MRPL21: variants seen among roughly 807,000 people sequenced by gnomAD.
MRPL21 encodes mitochondrial ribosomal protein L21, also known as large ribosomal subunit protein bL21m.
In MRPL21, 20 loss-of-function variants were observed where a neutral mutation model predicts 27.3. That is an observed-to-expected ratio of 0.73 (90% CI 0.52 to 1.06). MRPL21 has a LOEUF of 1.06. MRPL21 is among the 50% of genes least tolerant of loss of function. The pLI is 0.00. For synonymous variants in MRPL21, 98 were observed against 101.5 expected (o/e 0.97, Z 0.21); for missense variants, 249 against 251.4 (o/e 0.99, Z 0.06).
intron 6 of MRPL21, chr11:68,891,918 C>T: frequency 1.9e-6 from 1 of 527,412 alleles, no homozygotes; most frequent in Non-Finnish European, 3.1e-6. Context: ...TGGGTGCCAT[C>T]CCTCAGGATG....
At chr11:68,902,311 C>A (rs1857966041) in intron 1 of MRPL21, among the ~76,000 whole-genome samples, 1 of 152,178 alleles carries the variant, frequency 6.6e-6, no homozygotes, top group African/African-American at 2.4e-5. Context: ...TAAAAACTTT[C>A]CTGCCTACTT....
chr11:68,897,121 G>A (rs1004789470), intron 3 of MRPL21, among the ~76,000 whole-genome samples: 2 of 152,156 alleles, frequency 1.3e-5, no homozygotes, highest in Non-Finnish European at 2.9e-5. Context: ...GCAATGAGGA[G>A]CCCCCCGTAT....
chr11:68,895,263 T>TCAAA (rs200845176), intron 4 of MRPL21, among the ~76,000 whole-genome samples: 5 of 150,672 alleles, frequency 3.3e-5, no homozygotes, highest in Admixed American at 6.6e-5. Flanking sequence ...AAACTCCTTC[T>TCAAA]CAAACAAACA....
At chr11:68,893,077 T>A in intron 5 of MRPL21, 84 bp from the exon 6 acceptor site, 1 of 1,429,206 alleles carries the variant, frequency 7.0e-7, no homozygotes, top group Non-Finnish European at 9.2e-7. Flanking sequence ...AATGAAGTTA[T>A]ACTTTCTCTT....
At chr11:68,900,078 A>T (rs1033670295) in intron 2 of MRPL21, among the ~76,000 whole-genome samples, 2 of 152,196 alleles carry the variant, frequency 1.3e-5, no homozygotes, top group African/African-American at 4.8e-5. Context: ...TCTGCAGTTT[A>T]TGATACCTAA....
In MRPL21 at chr11:68,893,349, C is replaced by T. The variant is rs1174265978; in HGVS notation, c.449+54G>A. On this transcript the variant is annotated intron_variant, in intron 5 of 6. Coordinates refer to ENST00000362034, the MANE Select transcript of MRPL21 (RefSeq NM_181514.2). ...GGCCTAATTGCACTGTGACCACTGT[C>T]TGCATGTCCAGCCCTGGAGCCCCAG... 9 of 1,612,698 alleles carry T rather than the reference C, an allele frequency of 5.6e-6. No homozygotes were observed. In the East Asian group the frequency reaches 1.8e-4, roughly 32 times the overall value.
intron 2 of MRPL21, 158 bp downstream of exon 2, chr11:68,900,390 A>C (rs1213878793): frequency 1.3e-6 from 1 of 762,302 alleles, no homozygotes; most frequent in African/African-American, 1.8e-5. Context: ...CCAGGAGTTC[A>C]AAACCAGTCT....
intron 5 of MRPL21, 184 bp from the exon 6 acceptor site, chr11:68,893,177 C>G (rs956798933): frequency 7.5e-7 from 1 of 1,335,152 alleles, no homozygotes; most frequent in African/African-American, 1.5e-5. Flanking sequence ...GGAGTCTGAA[C>G]AAATCTTCAG....
At chr11:68,896,343 G>T in intron 4 of MRPL21, 172 bp downstream of exon 4, 2 of 789,074 alleles carry the variant, frequency 2.5e-6, no homozygotes, top group Non-Finnish European at 2.0e-6. Flanking sequence ...CCCTGCCCTT[G>T]GACCCCAGCC....
At chr11:68,899,675 A>G (rs2154005985) in intron 2 of MRPL21, among the ~76,000 whole-genome samples, 1 of 152,354 alleles carries the variant, frequency 6.6e-6, no homozygotes, top group African/African-American at 2.4e-5. Context: ...CACAGGACAC[A>G]GGGGTAGTAG....
chr11:68,893,178 A>T (rs992228493), intron 5 of MRPL21, 185 bp from the exon 6 acceptor site: 18 of 1,343,374 alleles, frequency 1.3e-5, no homozygotes, highest in Non-Finnish European at 1.7e-5. Context: ...GAGTCTGAAC[A>T]AATCTTCAGA....
intron 6 of MRPL21, chr11:68,891,713 G>A: frequency 1.9e-6 from 1 of 537,790 alleles, no homozygotes; most frequent in Non-Finnish European, 3.3e-6. Flanking sequence ...GAGTGACCTT[G>A]AGGCTACCTG....
chr11:68,900,599 AG>A lies in MRPL21; in HGVS notation c.94del (p.Leu32PhefsTer25). The A allele has an allele frequency of 6.2e-7, 1 of 1,612,958 alleles. No individual in the cohort carries two copies. Among genetic ancestry groups the A allele is most frequent in the Middle Eastern group, 1.7e-4 (1 of 6,058 alleles). On this transcript the variant is annotated frameshift_variant, in exon 2 of 7. Coordinates refer to ENST00000362034, the MANE Select transcript of MRPL21 (RefSeq NM_181514.2). LOFTEE classifies it high-confidence loss of function. ...ATTGAACCTTCGAGAAGCAGACCAA[AG>A]GGAGGCTGAGGGAAGAAGAGAAACA... Reference protein sequence around the residue: ...LRPSGPGAASLWSASRRFNSQ... With the variant: ...LRPSGPGAASXWSASRRFNSQ...
chr11:68,897,437 A>C (rs767967621), intron 3 of MRPL21, among the ~76,000 whole-genome samples: 1 of 152,226 alleles, frequency 6.6e-6, no homozygotes, highest in Non-Finnish European at 1.5e-5. Context: ...AACGGTATTT[A>C]ACATATAAGA....
intron 6 of MRPL21, chr11:68,891,941 G>C (rs887587905): frequency 4.2e-5 from 25 of 602,388 alleles, no homozygotes; most frequent in Non-Finnish European, 5.9e-5. Flanking sequence ...CACTATGGGG[G>C]ATGTCCTCAG....
At chr11:68,893,167 G>A (rs1307946893) in intron 5 of MRPL21, among the ~76,000 whole-genome samples, 174 bp from the exon 6 acceptor site, 2 of 152,116 alleles carry the variant, frequency 1.3e-5, no homozygotes, top group African/African-American at 4.8e-5. Context: ...ACAGTTCCAG[G>A]GAGTCTGAAC....
chr11:68,902,198 C>T (rs1004328167), intron 1 of MRPL21, among the ~76,000 whole-genome samples: 3 of 152,206 alleles, frequency 2.0e-5, no homozygotes, highest in African/African-American at 7.2e-5. Flanking sequence ...ACTCGCTTCA[C>T]TGTGTGTCTT....
chr11:68,893,319 C>G, intron 5 of MRPL21, 84 bp downstream of exon 5: 1 of 1,595,866 alleles, frequency 6.3e-7, no homozygotes, highest in Non-Finnish European at 8.6e-7. Context: ...TGCAACTCCC[C>G]ACCTGGCCTA....
At chr11:68,903,635 C>G (rs1858034482) in intron 1 of MRPL21, 88 bp downstream of exon 1, 4 of 1,359,714 alleles carry the variant, frequency 2.9e-6, no homozygotes, top group Non-Finnish European at 4.2e-6. Flanking sequence ...CACAAGGCAC[C>G]AGGTCGGACC....
Sources: allele counts gnomAD v4.1 joint callset (sites outside exome capture counted in the v4.1 genomes callset), GRCh38; gene constraint gnomAD v4.1.1; transcripts MANE v1.5; gene names NCBI Gene and HGNC (gene_info 2026-07-23, HGNC 2026-07-21).